Variants in ZC3H18 observed in about 807,000 individuals in gnomAD.
ZC3H18 encodes zinc finger CCCH domain-containing protein 18.
Under a neutral mutation model 106.1 loss-of-function variants are expected in ZC3H18, and 8 were observed. The ratio of observed to expected loss-of-function variants is 0.08; its 90% CI spans 0.04 to 0.14. The LOEUF is 0.14. ZC3H18 is among the 10% of genes least tolerant of loss of function. The probability of loss-of-function intolerance (pLI) is 1.00; values close to 1 mark genes in which losing one functional copy is unlikely to be tolerated. For synonymous variants in ZC3H18, 635 were observed against 522.1 expected, an observed-to-expected ratio of 1.22 and a Z score of -2.95; for missense variants, 1,318 against 1,278.4, an observed-to-expected ratio of 1.03 and a Z score of -0.47.
At chr16:88,581,410 A>G (rs375926173) in intron 2 of ZC3H18, among the ~76,000 whole-genome samples, 18 of 152,286 alleles carry the variant, frequency 1.2e-4, no homozygotes, top group African/African-American at 3.4e-4. Context: ...CGGGACATCA[A>G]TTTGTACAAT....
intron 8 of ZC3H18, 139 bp downstream of exon 8, chr16:88,611,675 G>T (rs9673677): frequency 0.06 from 80,238 of 1,329,348 alleles, 2,817 homozygotes; most frequent in South Asian, 0.069. Context: ...CACAGCCCGA[G>T]CCCATAGTTC....
chr16:88,624,576 C>G (rs1299082031), intron 11 of ZC3H18, 26 bp from the exon 12 acceptor site: 10 of 1,613,526 alleles, frequency 6.2e-6, no homozygotes, highest in Non-Finnish European at 7.6e-6. Flanking sequence ...CCAGCCCTGC[C>G]CTGCTCGAGC....
intron 6 of ZC3H18, among the ~76,000 whole-genome samples, chr16:88,608,170 G>A (rs545793438): frequency 3.3e-5 from 5 of 152,100 alleles, no homozygotes; most frequent in Admixed American, 6.5e-5. Flanking sequence ...CCTTGTTTTC[G>A]TGTTCTTGTG....
chr16:88,590,590 T>G (rs569909930), intron 3 of ZC3H18, among the ~76,000 whole-genome samples: 100 of 92,444 alleles, frequency 1.1e-3, no homozygotes, highest in African/African-American at 3.9e-3. Flanking sequence ...TGAGACAGTG[T>G]CTCGCTCTGT....
chr16:88,610,394 C>T (rs570112430), intron 7 of ZC3H18, among the ~76,000 whole-genome samples: 13 of 152,252 alleles, frequency 8.5e-5, no homozygotes, highest in Admixed American at 8.5e-4. Context: ...TCCCCCTGCT[C>T]GATGCTCTTG....
chr16:88,592,469 C>G (rs1052910925), intron 3 of ZC3H18, among the ~76,000 whole-genome samples: 1 of 151,992 alleles, frequency 6.6e-6, no homozygotes, highest in Non-Finnish European at 1.5e-5. Context: ...TTTTCTTTTT[C>G]TTTCATTTTA....
intron 8 of ZC3H18, among the ~76,000 whole-genome samples, chr16:88,616,998 A>G (rs1905651971): frequency 6.6e-6 from 1 of 152,130 alleles, no homozygotes; most frequent in Admixed American, 6.5e-5. Context: ...GGGAGGAGCG[A>G]GAGTCGGCCA....
Position 88,627,762 on chromosome 16 carries a change from C to T in ZC3H18, c.2249C>T (p.Ala750Val). 4 of 1,612,300 alleles carry T rather than the reference C, an allele frequency of 2.5e-6. No individual in the cohort carries two copies. Among genetic ancestry groups the T allele is most frequent in the Non-Finnish European group, 3.4e-6 (4 of 1,178,868 alleles). Residue 750 changes from alanine to valine, a missense_variant, in exon 14 of 18, where the codon GCC becomes GTC. Transcript: ENST00000301011. This position sits in a 1 kb window ranked among gnomAD's most constrained non-coding sequence, Gnocchi z 4.5. ...GCCAGCTCTCGGTCCCCGGCCCCAG[C>T]CCAGACCAGGAAGGAGAAAGGTACT... is the stretch of plus-strand genomic sequence containing the variant. ...SSASSRSPAP[A>V]QTRKEKGKSK... is the part of the protein sequence containing the mutation.
At chr16:88,598,415 G>C (rs1362535554) in intron 4 of ZC3H18, 89 bp downstream of exon 4, 3 of 1,530,404 alleles carry the variant, frequency 2.0e-6, no homozygotes, top group African/African-American at 1.4e-5. Context: ...CTGTGCCTTA[G>C]CACAGGCTCA....
At chr16:88,580,875 C>T (rs374835562) in intron 2 of ZC3H18, among the ~76,000 whole-genome samples, 5 of 152,332 alleles carry the variant, frequency 3.3e-5, no homozygotes, top group African/African-American at 9.6e-5. Flanking sequence ...CCTGGTGTCA[C>T]GTCTACTACC....
intron 10 of ZC3H18, 190 bp from the exon 11 acceptor site, chr16:88,623,768 C>T: frequency 1.8e-6 from 2 of 1,111,924 alleles, no homozygotes; most frequent in South Asian, 2.0e-5. Flanking sequence ...TGACACCTTC[C>T]ACGCTCTCTG....
chr16:88,577,657 A>G lies in ZC3H18; in HGVS notation c.534A>G (p.Glu178=), dbSNP rs577924772. The G allele has an allele frequency of 1.2e-6, 2 of 1,613,942 alleles. No individual in the cohort carries two copies. Among genetic ancestry groups the G allele is most frequent in the South Asian group, 2.2e-5 (2 of 91,080 alleles). ...GTGTTCAGAGTGTGGGAGAAAAGGA[A>G]TCCCTGGAGGCTGCCAAGGAGAAAA... ...KAGVQSVGEK[E]SLEAAKEKKK... is the part of the protein sequence containing the mutation. Residue 178 remains glutamate (E), a synonymous_variant, in exon 2 of 18, where the codon GAA becomes GAG. Coordinates refer to ENST00000301011, the MANE Select transcript of ZC3H18 (RefSeq NM_144604.4).
At position 88,630,599 on chromosome 16, in the gene ZC3H18, T is replaced by C. The variant is rs768674700; in HGVS notation, c.2663+18T>C. On this transcript the variant is annotated intron_variant, in intron 17 of 17. Coordinates refer to ENST00000301011, the MANE Select transcript of ZC3H18 (RefSeq NM_144604.4). ...GCTGACAGGTGAGTCCCACCCAGCA[T>C]GTGCCCTGGGCACACCGAGGGGGCC... 1 of 1,589,460 alleles carries C rather than the reference T, an allele frequency of 6.3e-7. No individual in the cohort carries two copies. Among genetic ancestry groups the C allele is most frequent in the Non-Finnish European group, 8.5e-7 (1 of 1,171,632 alleles).
Position 88,577,163 on chromosome 16 carries a change from C to A in ZC3H18, c.40C>A (p.Pro14Thr). Reference protein sequence around the residue: ...AESPERDPHSPEDEEQPQGLS... With the variant: ...AESPERDPHSTEDEEQPQGLS... ...GAGCCCTGAACGGGATCCTCACTCT[C>A]CAGAGGATGAAGAGCAGCCACAGGG... The change falls in exon 2 of 18, where the codon CCA (proline) becomes ACA (threonine). Residue 14 changes from proline to threonine, a missense_variant. This residue lies in a region of ZC3H18 where 346 missense variants were observed against 269.0 expected (regional missense o/e 1.29). Transcript: ENST00000301011. The A allele has an allele frequency of 1.3e-6, 2 of 1,596,844 alleles. No individual in the cohort carries two copies. Among genetic ancestry groups the A allele is most frequent in the Non-Finnish European group, 1.7e-6 (2 of 1,169,948 alleles).
chr16:88,587,849 C>T (rs1338865649), intron 3 of ZC3H18, among the ~76,000 whole-genome samples: 1 of 152,180 alleles, frequency 6.6e-6, no homozygotes, highest in African/African-American at 2.4e-5. Flanking sequence ...CAGAGGCAGG[C>T]TGTGCTCTTA....
Position 88,628,130 on chromosome 16 carries a change from G to C in ZC3H18, c.2469+11G>C, listed in dbSNP as rs1906431094. Reference sequence around the variant, plus strand: ...ACACTGTTGAATAAGGTGAGGGCAAGGGCCCTCCTGGTGGCTGCCCCAGCG... The same window carrying C: ...ACACTGTTGAATAAGGTGAGGGCAACGGCCCTCCTGGTGGCTGCCCCAGCG... On this transcript the variant is annotated intron_variant, in intron 15 of 17. Coordinates refer to ENST00000301011, the MANE Select transcript of ZC3H18 (RefSeq NM_144604.4). The C allele has an allele frequency of 6.2e-7, 1 of 1,610,100 alleles. No homozygotes were observed. The highest frequency in any genetic ancestry group is 2.2e-5 in the East Asian group (1 of 44,766).
rs146052717 is a variant in ZC3H18 at position 88,622,331 on chromosome 16, G to A, written c.1610G>A (p.Arg537Gln). 15 of 1,613,616 alleles carry A rather than the reference G, an allele frequency of 9.3e-6. No individual in the cohort carries two copies. The highest frequency in any genetic ancestry group is 3.3e-5 in the Admixed American group (2 of 59,940). Residue 537 changes from arginine to glutamine, a missense_variant, in exon 9 of 18, where the codon CGG becomes CAG. By Grantham distance (43) the Arg-to-Gln change is conservative. This residue lies in a region of ZC3H18 where 848 missense variants were observed against 821.7 expected (regional missense o/e 1.03). Coordinates refer to ENST00000301011, the MANE Select transcript of ZC3H18 (RefSeq NM_144604.4). ...CTCGGGGTGTCGGTCTCCCCGAGCC[G>A]GGCTCGAAGGCGTCGGAAAACATCA... The part of the protein sequence containing the change: ...KKLGVSVSPS[R>Q]ARRRRKTSAS...
intron 3 of ZC3H18, among the ~76,000 whole-genome samples, chr16:88,594,247 A>G (rs1482075760): frequency 1.3e-5 from 2 of 152,194 alleles, no homozygotes; most frequent in East Asian, 3.8e-4. Context: ...TTTTAAAAAC[A>G]GTTTCATAAA....
chr16:88,603,077 G>A (rs937213123), intron 6 of ZC3H18, among the ~76,000 whole-genome samples: 2 of 151,432 alleles, frequency 1.3e-5, no homozygotes, highest in Admixed American at 6.6e-5. Flanking sequence ...CCATTCTCCT[G>A]CCTCAGCCTC....
Sources: allele counts gnomAD v4.1 joint callset (sites outside exome capture counted in the v4.1 genomes callset), GRCh38; gene constraint gnomAD v4.1.1; regional missense constraint gnomAD v4.1.1; non-coding constraint Gnocchi (gnomAD v3.1); transcripts MANE v1.5; gene names NCBI Gene and HGNC (gene_info 2026-07-23, HGNC 2026-07-21).